The following TLK2 variants were observed in gnomAD, a reference collection of about 807,000 sequenced individuals.
TLK2 encodes tousled like kinase 2, also known as serine/threonine-protein kinase tousled-like 2.
Under a neutral mutation model 117.3 loss-of-function variants are expected in TLK2, and 6 were observed. The ratio of observed to expected loss-of-function variants is 0.05; its 90% CI spans 0.03 to 0.10. TLK2 has a LOEUF of 0.10. Ranked by LOEUF, TLK2 falls within the 10% of genes least tolerant of loss-of-function variation. The pLI is 1.00. For missense variants in TLK2, 299 were observed against 901.2 expected (o/e 0.33, Z 8.56); for synonymous variants, 257 against 316.7 (o/e 0.81, Z 2.00).
chr17:62,609,284 G>A (rs374365208), intron 21 of TLK2, among the ~76,000 whole-genome samples: 2 of 152,084 alleles, frequency 1.3e-5, no homozygotes, highest in Admixed American at 6.6e-5. Context: ...GGGTTTCGCC[G>A]TGTTGCCCAG....
intron 9 of TLK2, among the ~76,000 whole-genome samples, chr17:62,555,438 G>A (rs1293537923): frequency 6.6e-6 from 1 of 151,284 alleles, no homozygotes; most frequent in Non-Finnish European, 1.5e-5. Context: ...GCTAAACTAA[G>A]TCTGGCCTTT....
At chr17:62,554,909 A>G (rs2078734928) in intron 9 of TLK2, among the ~76,000 whole-genome samples, 1 of 152,068 alleles carries the variant, frequency 6.6e-6, no homozygotes, top group Non-Finnish European at 1.5e-5. Flanking sequence ...TGCTCTTTAC[A>G]AAATACAGAA....
intron 2 of TLK2, among the ~76,000 whole-genome samples, chr17:62,499,441 A>G (rs1192560345): frequency 2.0e-5 from 3 of 152,042 alleles, no homozygotes; most frequent in Non-Finnish European, 2.9e-5. Context: ...TTGGGATTAC[A>G]GGTGTTAGGC....
chr17:62,580,330 T>C (rs2081116604), intron 15 of TLK2, 138 bp downstream of exon 15: 1 of 557,474 alleles, frequency 1.8e-6, no homozygotes, highest in African/African-American at 1.9e-5. Context: ...CCTGTATCTT[T>C]GGGAAAACAG....
At chr17:62,539,432 G>T (rs2077344509) in intron 7 of TLK2, among the ~76,000 whole-genome samples, 1 of 149,842 alleles carries the variant, frequency 6.7e-6, no homozygotes, top group Admixed American at 6.7e-5. Context: ...TCTGTCTTCA[G>T]ACTCATTTAT....
At chr17:62,554,214 A>G (rs1422793742) in intron 9 of TLK2, among the ~76,000 whole-genome samples, 1 of 152,234 alleles carries the variant, frequency 6.6e-6, no homozygotes, top group Non-Finnish European at 1.5e-5. Flanking sequence ...GGAATTAAAT[A>G]GATACCACTA....
At chr17:62,557,118 T>A (rs569900836) in intron 9 of TLK2, among the ~76,000 whole-genome samples, 11 of 152,212 alleles carry the variant, frequency 7.2e-5, no homozygotes, top group African/African-American at 2.2e-4. Flanking sequence ...AGGAACAGGG[T>A]CTCATTATGT....
At chr17:62,523,097 A>G in intron 4 of TLK2, 37 bp from the exon 5 acceptor site, 1 of 1,569,156 alleles carries the variant, frequency 6.4e-7, no homozygotes, top group Non-Finnish European at 8.6e-7. Context: ...TTATATGTGT[A>G]TTGGAAAAAC....
chr17:62,580,261 T>G, intron 15 of TLK2, 69 bp downstream of exon 15: 2 of 1,142,604 alleles, frequency 1.8e-6, no homozygotes, highest in East Asian at 2.4e-5. Context: ...TGGAGAACAT[T>G]AAGAATACTG....
intron 18 of TLK2, among the ~76,000 whole-genome samples, chr17:62,601,485 A>G (rs958686587): frequency 2.6e-5 from 4 of 152,212 alleles, no homozygotes; most frequent in Non-Finnish European, 4.4e-5. Context: ...CTCATTGACT[A>G]TTCTCTAATG....
intron 6 of TLK2, among the ~76,000 whole-genome samples, chr17:62,529,129 T>G (rs2076571876): frequency 6.6e-6 from 1 of 152,236 alleles, no homozygotes; most frequent in African/African-American, 2.4e-5. Context: ...TATTTGTATC[T>G]CTCGCTGTGA....
chr17:62,498,353 A>G (rs1364917372), intron 2 of TLK2, among the ~76,000 whole-genome samples: 4 of 151,702 alleles, frequency 2.6e-5, no homozygotes, highest in Non-Finnish European at 5.9e-5. Flanking sequence ...AGATTTAGTT[A>G]ACTTAAACAT....
At chr17:62,515,009 A>G (rs754321741) in intron 2 of TLK2, among the ~76,000 whole-genome samples, 1 of 152,234 alleles carries the variant, frequency 6.6e-6, no homozygotes, top group Admixed American at 6.5e-5. Flanking sequence ...TGAAATGCCC[A>G]TTAAACAACT....
At chr17:62,554,460 G>A (rs952776273) in intron 9 of TLK2, among the ~76,000 whole-genome samples, 8 of 152,130 alleles carry the variant, frequency 5.3e-5, no homozygotes, top group Non-Finnish European at 8.8e-5. Context: ...GCAAGCGGCT[G>A]TAGTCTAGCT....
chr17:62,476,889 G>GTGGCCAACA (rs2071061856), upstream of TLK2, among the ~76,000 whole-genome samples: 2 of 151,266 alleles, frequency 1.3e-5, no homozygotes, highest in Non-Finnish European at 2.9e-5. Flanking sequence ...CGAGACCAAC[G>GTGGCCAACA]TGGCCAACAT....
At chr17:62,605,574 T>C (rs1390539007) in intron 19 of TLK2, among the ~76,000 whole-genome samples, 1 of 152,120 alleles carries the variant, frequency 6.6e-6, no homozygotes, top group East Asian at 1.9e-4. Flanking sequence ...GGTTTCGCCA[T>C]GTTGCCCAGG....
chr17:62,572,495 T>C (rs1346635941), intron 11 of TLK2, among the ~76,000 whole-genome samples: 1 of 152,204 alleles, frequency 6.6e-6, no homozygotes, highest in Admixed American at 6.5e-5. Context: ...TGACATCTTA[T>C]TAGGAAATAC....
chr17:62,602,846 T>C (rs572101765), intron 19 of TLK2, among the ~76,000 whole-genome samples: 1 of 152,316 alleles, frequency 6.6e-6, no homozygotes, highest in East Asian at 1.9e-4. Flanking sequence ...ATTAGAACCA[T>C]AAAAGATACC....
chr17:62,535,346 G>A (rs116052568), intron 6 of TLK2, among the ~76,000 whole-genome samples: 2,419 of 152,230 alleles, frequency 0.016, 62 homozygotes, highest in African/African-American at 0.055. Flanking sequence ...TGAGTTATGC[G>A]TAATTGTGAT....
Sources: allele counts gnomAD v4.1 joint callset (sites outside exome capture counted in the v4.1 genomes callset), GRCh38; gene constraint gnomAD v4.1.1; transcripts MANE v1.5; gene names NCBI Gene and HGNC (gene_info 2026-07-23, HGNC 2026-07-21).